The following LMO2 variants were observed in gnomAD, a reference collection of about 807,000 sequenced individuals.
The protein encoded by LMO2 is LIM domain only 2, also known as rhombotin-2.
LMO2 carries 20 observed loss-of-function variants against 23.2 expected under a neutral mutation model. The observed-to-expected ratio is 0.86, with a 90% CI of 0.61 to 1.25. The LOEUF is 1.25. Ranked by LOEUF, LMO2 falls within the 50% of genes most tolerant of loss-of-function variation. The pLI is 0.00. For missense variants in LMO2, 270 were observed against 315.3 expected, an observed-to-expected ratio of 0.86 and a Z score of 1.09; for synonymous variants, 123 against 130.2, an observed-to-expected ratio of 0.94 and a Z score of 0.38.
intron 1 of LMO2, among the ~76,000 whole-genome samples, chr11:33,890,496 G>C (rs10768035): frequency 0.78 from 118,731 of 152,050 alleles, 46,730 homozygotes; most frequent in African/African-American, 0.87. Flanking sequence ...GGATTACAGG[G>C]ATGAGCCACC....
intron 2 of LMO2, chr11:33,881,170 C>T (rs1468340504): frequency 6.6e-6 from 3 of 456,788 alleles, no homozygotes; most frequent in Non-Finnish European, 8.8e-6. Flanking sequence ...CAGGCCAGAG[C>T]CCCTTTCCAA....
At chr11:33,885,423 G>C (rs1279866223) in intron 1 of LMO2, among the ~76,000 whole-genome samples, 1 of 152,250 alleles carries the variant, frequency 6.6e-6, no homozygotes, top group Admixed American at 6.5e-5. Context: ...TAGACCAGAA[G>C]TGTTTGGTGT....
intron 2 of LMO2, chr11:33,881,499 G>C (rs1329278339): frequency 7.1e-6 from 3 of 424,442 alleles, no homozygotes; most frequent in Non-Finnish European, 1.4e-5. Flanking sequence ...GGCTGGCACG[G>C]AATGGTAGCA....
At chr11:33,889,706 T>A (rs547447740) in intron 1 of LMO2, among the ~76,000 whole-genome samples, 1 of 152,360 alleles carries the variant, frequency 6.6e-6, no homozygotes, top group Admixed American at 6.5e-5. Flanking sequence ...TTGGTGGGAA[T>A]GTAAATTAGT....
intron 2 of LMO2, among the ~76,000 whole-genome samples, chr11:33,878,250 A>G (rs925603405): frequency 6.6e-6 from 1 of 152,118 alleles, no homozygotes; most frequent in African/African-American, 2.4e-5. Context: ...CTTCCCATCC[A>G]GCCTGTTCTC....
rs189512940 is a variant in LMO2, at chr11:33,861,665, G to T, written c.465-2090C>A. Among the ~76,000 whole-genome samples the T allele has an allele frequency of 3.9e-5, 6 of 152,326 alleles. No individual in the cohort carries two copies. The East Asian group carries it at 1.2e-3, about 29-fold the overall frequency. The stretch of plus-strand genomic sequence containing the variant: ...GTTAAGTTTGGGCCTGAGCAAGGAT[G>T]AACGACTGAGAAAACAGTGTGCATG... On this transcript the variant is annotated intron_variant, in intron 5 of 5. Transcript: ENST00000257818.
chr11:33,871,329 T>A (rs1365083562), intron 2 of LMO2, among the ~76,000 whole-genome samples: 1 of 151,836 alleles, frequency 6.6e-6, no homozygotes, highest in Non-Finnish European at 1.5e-5. Flanking sequence ...CGGTGGCTCA[T>A]GCTTGTGATC....
At chr11:33,871,921 C>G (rs1857032652) in intron 2 of LMO2, among the ~76,000 whole-genome samples, 1 of 152,050 alleles carries the variant, frequency 6.6e-6, no homozygotes, top group African/African-American at 2.4e-5. Flanking sequence ...GGATTCTAAC[C>G]CATCCTTGAC....
chr11:33,859,671 C>T, intron 5 of LMO2, 96 bp from the exon 6 acceptor site: 1 of 1,091,994 alleles, frequency 9.2e-7, no homozygotes, highest in Non-Finnish European at 1.3e-6. Flanking sequence ...GCCGAACTTT[C>T]AGGATGTCAG....
At position 33,858,610 on chromosome 11, in the gene LMO2, T is replaced by C. The variant is rs1856446703; in HGVS notation, c.*746A>G. ...GTCATTTTTATTAAGCCTGCAGAGC[T>C]GTTTTTTTTTCTACACACGACAAAT... On this transcript the variant is annotated 3_prime_UTR_variant, in exon 6 of 6. Transcript: ENST00000257818. 1.1e-5 allele frequency: 1 copy of C among 91,036 alleles called. No individual in the cohort carries two copies. The highest frequency in any genetic ancestry group is 4.3e-5 in the African/African-American group (1 of 23,290). 5.6% of individuals were successfully genotyped at this position (91,036 alleles called of 1,614,324 possible). A position where few individuals can be genotyped will look rare whatever the true frequency, so the allele number is the denominator to read the frequency against.
At chr11:33,870,767 C>A (rs1164169120) in intron 2 of LMO2, among the ~76,000 whole-genome samples, 1 of 152,112 alleles carries the variant, frequency 6.6e-6, no homozygotes, top group African/African-American at 2.4e-5. Context: ...TTTCAATGGT[C>A]AAGAACAGGA....
intron 1 of LMO2, among the ~76,000 whole-genome samples, chr11:33,882,833 A>G (rs954937665): frequency 6.6e-6 from 1 of 152,228 alleles, no homozygotes; most frequent in East Asian, 1.9e-4. Flanking sequence ...ATACAGCTGC[A>G]TAAATGTAGG....
intron 4 of LMO2, among the ~76,000 whole-genome samples, chr11:33,867,747 G>C (rs1329167095): frequency 6.6e-6 from 1 of 152,208 alleles, no homozygotes; most frequent in Non-Finnish European, 1.5e-5. Context: ...GGATGTTTCA[G>C]TTTCTAACCT....
At chr11:33,866,478 T>C (rs755274131) in intron 4 of LMO2, among the ~76,000 whole-genome samples, 2 of 151,960 alleles carry the variant, frequency 1.3e-5, no homozygotes, top group Non-Finnish European at 2.9e-5. Context: ...CTACAAAACA[T>C]ATAAAAAATT....
In LMO2 at chr11:33,859,058, G is replaced by C. The variant is rs1856466794; in HGVS notation, c.*298C>G. 2 of 411,198 alleles carry C rather than the reference G, an allele frequency of 4.9e-6. No individual in the cohort carries two copies. Among genetic ancestry groups the C allele is most frequent in the East Asian group, 8.0e-5 (2 of 24,946 alleles). The allele number at this position is 411,198 out of a possible 1,614,324, so 25.5% of individuals were successfully genotyped here. The stretch of plus-strand genomic sequence containing the variant: ...GTAGATATGAAATTCCATCATGATA[G>C]CACAGCGCCTGCTTGCCCCTAAATG... On this transcript the variant is annotated 3_prime_UTR_variant, in exon 6 of 6. Transcript: ENST00000257818.
intron 4 of LMO2, among the ~76,000 whole-genome samples, chr11:33,867,305 A>G (rs1856823999): frequency 6.6e-6 from 1 of 152,214 alleles, no homozygotes; most frequent in African/African-American, 2.4e-5. Flanking sequence ...GAAGTACACA[A>G]TGAAGCATCT....
intron 4 of LMO2, among the ~76,000 whole-genome samples, chr11:33,868,613 CCT>C (rs763705323): frequency 1.8e-4 from 27 of 152,196 alleles, no homozygotes; most frequent in Non-Finnish European, 3.5e-4. Context: ...GCTCTGGTTC[CCT>C]GACCCCAAAC....
intron 1 of LMO2, among the ~76,000 whole-genome samples, chr11:33,882,380 G>A (rs1285324295): frequency 1.3e-5 from 2 of 152,212 alleles, no homozygotes; most frequent in East Asian, 1.9e-4. Flanking sequence ...AGTGAAAAAG[G>A]GCAGGTAGCC....
At chr11:33,887,540 A>ATT (rs3072488) in intron 1 of LMO2, among the ~76,000 whole-genome samples, 43 of 132,960 alleles carry the variant, frequency 3.2e-4, no homozygotes, top group Middle Eastern at 3.8e-3. Flanking sequence ...AGGAATGTGG[A>ATT]TTTTTTTTTT....
Sources: gnomAD v4.1 joint callset for allele counts (sites outside exome capture counted in the v4.1 genomes callset) on GRCh38, gnomAD v4.1.1 for gene constraint, MANE v1.5 for transcripts, NCBI Gene and HGNC (gene_info 2026-07-23, HGNC 2026-07-21) for gene names.